The following CERT1 variants were observed in gnomAD, a reference collection of about 807,000 sequenced individuals.
CERT1 encodes the protein ceramide transporter 1, also known as ceramide transfer protein.
CERT1 carries 31 observed loss-of-function variants against 87.9 expected under a neutral mutation model. The ratio of observed to expected loss-of-function variants is 0.35; its 90% CI spans 0.27 to 0.48. The LOEUF is 0.48. CERT1 is among the 20% of genes least tolerant of loss of function. CERT1 has a pLI of 0.99. For synonymous variants in CERT1, 289 were observed against 250.9 expected (o/e 1.15, Z -1.44); for missense variants, 487 against 758.0 (o/e 0.64, Z 4.20).
At chr5:75,381,290 TAACTCTTAAAAGTATC>T in intron 15 of CERT1, 89 bp from the exon 16 acceptor site, 1 of 1,437,176 alleles carries the variant, frequency 7.0e-7, no homozygotes, top group Non-Finnish European at 9.7e-7. Flanking sequence ...ACCAAAATCG[TAACTCTTAAAAGTATC>T]TCCAGTGAAA....
At chr5:75,483,396 A>G (rs1766347529) in intron 2 of CERT1, among the ~76,000 whole-genome samples, 1 of 152,218 alleles carries the variant, frequency 6.6e-6, no homozygotes, top group South Asian at 2.1e-4. Flanking sequence ...AATACCCCCA[A>G]AAGGGCAACT....
intron 2 of CERT1, among the ~76,000 whole-genome samples, chr5:75,476,009 C>T (rs1561289661): frequency 6.6e-6 from 1 of 152,106 alleles, no homozygotes; most frequent in Non-Finnish European, 1.5e-5. Flanking sequence ...CAGTTATATG[C>T]TTTAAAAAAC....
At chr5:75,510,389 A>T (rs2112487693) in intron 1 of CERT1, among the ~76,000 whole-genome samples, 1 of 152,314 alleles carries the variant, frequency 6.6e-6, no homozygotes, top group South Asian at 2.1e-4. Flanking sequence ...GATTTTAAAA[A>T]ATATATAAAA....
intron 7 of CERT1, among the ~76,000 whole-genome samples, chr5:75,412,657 G>A (rs1762977752): frequency 6.6e-6 from 1 of 152,132 alleles, no homozygotes; most frequent in Non-Finnish European, 1.5e-5. Context: ...GAATACTGAA[G>A]GCAATTTTAA....
chr5:75,511,547 G>T lies in CERT1; in HGVS notation c.-340C>A, dbSNP rs753622152. On this transcript the variant is annotated 5_prime_UTR_variant, in exon 1 of 17. Transcript: ENST00000643780. ...AATAGGGAAGGAAAAGGGAAAAGAAGGGAAGAGAAAATCCGGCCGCTGAGT... is the reference window on the plus strand; with the variant it reads ...AATAGGGAAGGAAAAGGGAAAAGAATGGAAGAGAAAATCCGGCCGCTGAGT... The T allele has an allele frequency of 6.9e-7, 1 of 1,459,286 alleles. No homozygotes were observed. 90.4% of individuals were successfully genotyped at this position (1,459,286 alleles called of 1,614,324 possible). A position where few individuals can be genotyped will look rare whatever the true frequency, so the allele number is the denominator to read the frequency against.
intron 3 of CERT1, among the ~76,000 whole-genome samples, chr5:75,438,845 C>G (rs960050903): frequency 6.6e-6 from 1 of 151,884 alleles, no homozygotes; most frequent in African/African-American, 2.4e-5. Flanking sequence ...ACTGAAACAC[C>G]TCCTACCCAG....
At chr5:75,502,539 T>C (rs1315107452) in intron 2 of CERT1, among the ~76,000 whole-genome samples, 1 of 152,102 alleles carries the variant, frequency 6.6e-6, no homozygotes, top group Non-Finnish European at 1.5e-5. Flanking sequence ...AATGTGTAAG[T>C]TGTATTAAAA....
At chr5:75,479,716 T>C (rs1353590566) in intron 2 of CERT1, among the ~76,000 whole-genome samples, 1 of 152,216 alleles carries the variant, frequency 6.6e-6, no homozygotes, top group Non-Finnish European at 1.5e-5. Flanking sequence ...TGACTCCATG[T>C]CTTTTTTTTA....
In CERT1 at chr5:75,395,881, AAAC is replaced by A. The variant is rs530981055; in HGVS notation, c.1188+3426_1188+3428del. Among the ~76,000 whole-genome samples, 731 of 151,776 alleles carry A rather than the reference AAAC, an allele frequency of 4.8e-3. 6 individuals carry two copies. Among genetic ancestry groups the A allele is most frequent in the South Asian group, 0.012 (57 of 4,788 alleles). ...ACCCAAAAAACAAAAATGAAAAAAC[AAAC>A]AACAACAACAACAACAACAACAACA... On this transcript the variant is annotated intron_variant, in intron 11 of 16. Coordinates refer to ENST00000643780, the MANE Select transcript of CERT1 (RefSeq NM_001379029.1).
chr5:75,486,307 TA>T (rs1355283306), intron 2 of CERT1, among the ~76,000 whole-genome samples: 1 of 152,010 alleles, frequency 6.6e-6, no homozygotes, highest in Non-Finnish European at 1.5e-5. Flanking sequence ...CCTCTCATGA[TA>T]AAAACCCTCA....
intron 11 of CERT1, among the ~76,000 whole-genome samples, chr5:75,395,555 CAAA>C (rs35109034): frequency 2.1e-5 from 1 of 48,006 alleles, no homozygotes; most frequent in Non-Finnish European, 4.2e-5. Flanking sequence ...TGTCTCTTTA[CAAA>C]AAAAAAAAAA....
chr5:75,419,993 T>C (rs1045975938), intron 5 of CERT1, among the ~76,000 whole-genome samples: 2 of 151,818 alleles, frequency 1.3e-5, no homozygotes, highest in Admixed American at 6.6e-5. Flanking sequence ...TTTTTTTTTT[T>C]GTAGATGGAG....
intron 15 of CERT1, 68 bp downstream of exon 15, chr5:75,381,881 T>C: frequency 1.4e-6 from 2 of 1,418,420 alleles, no homozygotes; most frequent in Non-Finnish European, 1.9e-6. Context: ...GTGTTTATCA[T>C]TTTTGTCCCG....
At chr5:75,465,542 G>A (rs1449762541) in intron 2 of CERT1, among the ~76,000 whole-genome samples, 1 of 152,164 alleles carries the variant, frequency 6.6e-6, no homozygotes, top group African/African-American at 2.4e-5. Flanking sequence ...AGAAGAAAAG[G>A]AATTCATTTA....
intron 2 of CERT1, among the ~76,000 whole-genome samples, chr5:75,482,529 A>G (rs1472215204): frequency 6.6e-6 from 1 of 152,202 alleles, no homozygotes; most frequent in Non-Finnish European, 1.5e-5. Context: ...TTAGGCCTTG[A>G]GTAAATACCA....
At chr5:75,468,728 G>C (rs534417624) in intron 2 of CERT1, among the ~76,000 whole-genome samples, 8 of 152,286 alleles carry the variant, frequency 5.3e-5, no homozygotes, top group African/African-American at 1.7e-4. Flanking sequence ...TCTGGGTACA[G>C]AAAGCCTAAT....
intron 2 of CERT1, among the ~76,000 whole-genome samples, chr5:75,464,585 T>C (rs1305002556): frequency 1.3e-5 from 2 of 152,022 alleles, no homozygotes; most frequent in Admixed American, 6.5e-5. Context: ...GCAGTGTTTT[T>C]TGTTTGTTTT....
chr5:75,400,101 C>T, intron 10 of CERT1, 104 bp downstream of exon 10: 1 of 851,464 alleles, frequency 1.2e-6, no homozygotes, highest in Non-Finnish European at 1.9e-6. Flanking sequence ...CACTGCACTC[C>T]ACTCTGGTGA....
chr5:75,410,717 A>T (rs1355619288), intron 8 of CERT1: 2 of 185,522 alleles, frequency 1.1e-5, no homozygotes, highest in Non-Finnish European at 2.2e-5. Flanking sequence ...AAAAAAAAAA[A>T]AGTAGATAAC....
Sources: gnomAD v4.1 joint callset for allele counts (sites outside exome capture counted in the v4.1 genomes callset) on GRCh38, gnomAD v4.1.1 for gene constraint, MANE v1.5 for transcripts, NCBI Gene and HGNC (gene_info 2026-07-23, HGNC 2026-07-21) for gene names.